HUWE1: variants seen among roughly 807,000 people sequenced by gnomAD.
HUWE1 encodes E3 ubiquitin-protein ligase HUWE1.
Under a neutral mutation model 299.4 loss-of-function variants are expected in HUWE1, and 18 were observed. That is an observed-to-expected ratio of 0.06 (90% CI 0.04 to 0.09). HUWE1 has a LOEUF of 0.09. Ranked by LOEUF, HUWE1 falls within the 10% of genes least tolerant of loss-of-function variation. The pLI is 1.00. For synonymous variants in HUWE1, 1,317 were observed against 1,286.1 expected (o/e 1.02, Z -0.51); for missense variants, 1,832 against 3,462.3 (o/e 0.53, Z 11.82).
intron 73 of HUWE1, 90 bp downstream of exon 73, chrX:53,543,751 C>G (rs1232226090): frequency 1.7e-6 from 2 of 1,175,271 alleles, no homozygotes; most frequent in African/African-American, 3.5e-5. Context: ...CAAAAGCATA[C>G]AAGGTAAAGG....
At position 53,544,775 on chromosome X, in the gene HUWE1, G is replaced by C. The variant is rs2061480666; in HGVS notation, c.11049-13C>G. ...AGCCATGTCAAACCTGGATAGTGTA[G>C]AGGTGGCTTGCGTATATTGACAGCA... On this transcript the variant is annotated splice_polypyrimidine_tract_variant and intron_variant, in intron 71 of 83. Coordinates refer to ENST00000262854, the MANE Select transcript of HUWE1 (RefSeq NM_031407.7). 8.6e-7 allele frequency: 1 copy of C among 1,167,054 alleles called. No individual in the cohort carries two copies.
intron 3 of HUWE1, among the ~76,000 whole-genome samples, chrX:53,677,758 T>TG (rs2069905697): frequency 9.0e-6 from 1 of 111,497 alleles, no homozygotes; most frequent in Non-Finnish European, 1.9e-5. Flanking sequence ...CACGCACTTC[T>TG]GGGGCAATTA....
Position 53,565,052 on chromosome X carries a change from G to C in HUWE1, c.6880+15C>G. 3 of 1,205,304 alleles carry C rather than the reference G, an allele frequency of 2.5e-6. No homozygotes were observed. Among genetic ancestry groups the C allele is most frequent in the Non-Finnish European group, 3.4e-6 (3 of 889,623 alleles). ...CTACTCCCACCTCTCCAGTCCATTG[G>C]CTCTGATTCCCTACCTGGGTCCTGC... On this transcript the variant is annotated intron_variant, in intron 50 of 83. Transcript: ENST00000262854.
rs782513238 is a variant in HUWE1, at chrX:53,561,960, G to GTA, written c.7339-38_7339-37dup. 5.8e-6 allele frequency: 7 copies of GTA among 1,209,294 alleles called. No individual in the cohort carries two copies. The South Asian group carries it at 1.2e-4, about 21-fold the overall frequency. Reference sequence around the variant, plus strand: ...AATAGGAGATGGAGAATTGCTGGAGGTAAGGGTTTTCTGAAGCCTGGTGCC... The same window carrying GTA: ...AATAGGAGATGGAGAATTGCTGGAGGTATAAGGGTTTTCTGAAGCCTGGTGCC... On this transcript the variant is annotated intron_variant, in intron 54 of 83. Transcript: ENST00000262854.
rs1175050260 is a variant in HUWE1 at position 53,555,636 on chromosome X, CTTTTTTT to C, written c.8207-723_8207-717del. Among the ~76,000 whole-genome samples the C allele has an allele frequency of 2.5e-4, 19 of 75,267 alleles. 1 individual carries two copies. Among genetic ancestry groups the C allele is most frequent in the Admixed American group, 9.3e-4 (6 of 6,482 alleles). The allele number at this position is 75,267 out of a possible 115,157, so 65.4% of individuals were successfully genotyped here. The stretch of plus-strand genomic sequence containing the variant: ...GCCACTGCGTCCAGCCCTTCAAAAT[CTTTTTTT>C]TTTTTTTTTTTTTCCTGAGACAGAG... On this transcript the variant is annotated intron_variant, in intron 60 of 83. Coordinates refer to ENST00000262854, the MANE Select transcript of HUWE1 (RefSeq NM_031407.7).
Position 53,602,724 on chromosome X carries a change from T to C in HUWE1, c.2877-66A>G, listed in dbSNP as rs1556992348. On this transcript the variant is annotated intron_variant, in intron 27 of 83. Transcript: ENST00000262854. ...ATATATACTGATAATTCACCTCTTA[T>C]ATTGTAAATGGTCTCTAATTTGCTT... The C allele has an allele frequency of 6.8e-6, 4 of 592,312 alleles. No individual in the cohort carries two copies. In the African/African-American group the frequency reaches 9.1e-5, roughly 13 times the overall value. 48.8% of individuals were successfully genotyped at this position (592,312 alleles called of 1,213,427 possible). A position where few individuals can be genotyped will look rare whatever the true frequency, so the allele number is the denominator to read the frequency against.
chrX:53,608,371 T>C (rs2065255797), intron 24 of HUWE1, among the ~76,000 whole-genome samples: 1 of 81,412 alleles, frequency 1.2e-5, no homozygotes, highest in Admixed American at 1.4e-4. Flanking sequence ...TTGGACACAT[T>C]TGGAAAACAT....
At position 53,586,482 on chromosome X, in the gene HUWE1, T is replaced by C; in HGVS notation, c.4824+8A>G. The C allele has an allele frequency of 8.5e-7, 1 of 1,175,561 alleles. No individual in the cohort carries two copies. On this transcript the variant is annotated splice_region_variant and intron_variant, in intron 39 of 83. Coordinates refer to ENST00000262854, the MANE Select transcript of HUWE1 (RefSeq NM_031407.7). ...CCGTCCTGCAGTCATACATACTACA[T>C]TACACACCTTAGTCATCTGGGCTCT... is the stretch of plus-strand genomic sequence containing the variant.
intron 17 of HUWE1, 129 bp downstream of exon 17, chrX:53,627,281 A>G (rs12387672): frequency 1.2e-5 from 5 of 417,183 alleles, no homozygotes; most frequent in African/African-American, 5.0e-5. Context: ...TAGAAAAAAA[A>G]TTTTTGTTGC....
chrX:53,580,351 AT>A (rs1225452029), intron 43 of HUWE1, among the ~76,000 whole-genome samples: 1 of 112,203 alleles, frequency 8.9e-6, no homozygotes, highest in Non-Finnish European at 1.9e-5. Context: ...CTTTCATAAC[AT>A]TAATATTTTT....
chrX:53,536,022 C>CT, intron 80 of HUWE1, 125 bp downstream of exon 80: 1 of 463,391 alleles, frequency 2.2e-6, no homozygotes, highest in Admixed American at 2.8e-5. Context: ...CCTGCTACAG[C>CT]TTTAAGAAGT....
rs181596936 is a variant in HUWE1 at position 53,635,438 on chromosome X, C to T, written c.505-1140G>A. 1.5e-4 allele frequency among the ~76,000 whole-genome samples: 17 copies of T among 110,695 alleles called. 1 individual carries two copies. In the East Asian group the frequency reaches 4.2e-3, roughly 28 times the overall value. ...GGGTCAAAGGATCCTCCTGCCTCAG[C>T]CTGCCACACAGCTAGGACTACAGGC... On this transcript the variant is annotated intron_variant, in intron 7 of 83. Transcript: ENST00000262854.
At chrX:53,569,922 T>A in intron 47 of HUWE1, 95 bp from the exon 48 acceptor site, 1 of 750,101 alleles carries the variant, frequency 1.3e-6, no homozygotes, top group Non-Finnish European at 2.0e-6. Flanking sequence ...AGTATTTCCT[T>A]AAGTCACCCA....
intron 51 of HUWE1, 98 bp from the exon 52 acceptor site, chrX:53,563,919 A>G: frequency 2.2e-6 from 2 of 926,095 alleles, no homozygotes; most frequent in Non-Finnish European, 3.0e-6. Context: ...ATACATTTCT[A>G]GGATAACATG....
chrX:53,658,116 A>G (rs1388724280), intron 3 of HUWE1, among the ~76,000 whole-genome samples: 2 of 109,451 alleles, frequency 1.8e-5, no homozygotes, highest in African/African-American at 6.6e-5. Context: ...GAAATAAAAA[A>G]CATTTATATT....
intron 49 of HUWE1, 49 bp downstream of exon 49, chrX:53,568,643 T>C (rs782189069): frequency 1.8e-6 from 2 of 1,128,530 alleles, no homozygotes; most frequent in East Asian, 3.0e-5. Context: ...ATCATTCGTG[T>C]AGTGAGGCTG....
Position 53,574,048 on chromosome X carries a change from C to A in HUWE1, c.6098-84G>T, listed in dbSNP as rs2295361. 55 of 835,102 alleles carry A rather than the reference C, an allele frequency of 6.6e-5. No individual in the cohort carries two copies. In the East Asian group the frequency reaches 1.7e-3, roughly 26 times the overall value. The allele number at this position is 835,102 out of a possible 1,213,427, so 68.8% of individuals were successfully genotyped here. ...TCTTAGGTGGAAAAGAATGCTATTT[C>A]TCCTCCACTTTAAGCCACCTGTACA... is the stretch of plus-strand genomic sequence containing the variant. On this transcript the variant is annotated intron_variant, in intron 46 of 83. Transcript: ENST00000262854.
At chrX:53,678,615 A>G (rs1228554162) in intron 3 of HUWE1, among the ~76,000 whole-genome samples, 1 of 111,964 alleles carries the variant, frequency 8.9e-6, no homozygotes, top group Non-Finnish European at 1.9e-5. Flanking sequence ...GAAAATCAAC[A>G]TGTAAGTAGA....
intron 57 of HUWE1, 39 bp from the exon 58 acceptor site, chrX:53,559,099 G>A: frequency 9.4e-7 from 1 of 1,065,115 alleles, no homozygotes; most frequent in Non-Finnish European, 1.3e-6. Context: ...TCTTGGCCTT[G>A]TCAAGCATTA....
Sources: gnomAD v4.1 joint callset for allele counts (sites outside exome capture counted in the v4.1 genomes callset) on GRCh38, gnomAD v4.1.1 for gene constraint, MANE v1.5 for transcripts, NCBI Gene and HGNC (gene_info 2026-07-23, HGNC 2026-07-21) for gene names.